NDUFA10: variants seen among roughly 807,000 people sequenced by gnomAD.
NDUFA10 encodes NADH dehydrogenase [ubiquinone] 1 alpha subcomplex subunit 10, mitochondrial.
In NDUFA10, 40 loss-of-function variants were observed where a neutral mutation model predicts 47.8. That is an observed-to-expected ratio of 0.84 (90% CI 0.65 to 1.09). The LOEUF (loss-of-function observed/expected upper bound fraction) is 1.09. NDUFA10 is among the 50% of genes least tolerant of loss of function. The pLI is 0.00. For synonymous variants in NDUFA10, 183 were observed against 172.2 expected, an observed-to-expected ratio of 1.06 and a Z score of -0.49; for missense variants, 413 against 451.1, an observed-to-expected ratio of 0.92 and a Z score of 0.76.
chr2:239,990,872 T>TA lies in NDUFA10; in HGVS notation c.891-691dup, dbSNP rs1340010649. On this transcript the variant is annotated intron_variant, in intron 8 of 9. Coordinates refer to ENST00000252711, the MANE Select transcript of NDUFA10 (RefSeq NM_004544.4). ...ATAGTCTGAATATAACCACTATACT[T>TA]AAAGATTTTTAAAAAGCATTTTTTC... 6.0e-4 allele frequency among the ~76,000 whole-genome samples: 91 copies of TA among 152,122 alleles called. 1 individual carries two copies. Among genetic ancestry groups the TA allele is most frequent in the Non-Finnish European group, 1.0e-4 (7 of 68,010 alleles).
chr2:239,961,257 G>T, intron 9 of NDUFA10, 71 bp from the exon 10 acceptor site: 1 of 1,610,608 alleles, frequency 6.2e-7, no homozygotes. Flanking sequence ...ATAGTTCAAT[G>T]TCTACCCGGC....
chr2:239,991,454 A>G (rs895791580), intron 8 of NDUFA10, among the ~76,000 whole-genome samples: 1 of 152,186 alleles, frequency 6.6e-6, no homozygotes, highest in Non-Finnish European at 1.5e-5. Flanking sequence ...TCGTTTTCTT[A>G]GTTTTACTAT....
chr2:239,902,486 T>C (rs1041019146), intron 4 of NDUFA10, among the ~76,000 whole-genome samples: 2 of 152,246 alleles, frequency 1.3e-5, no homozygotes, highest in African/African-American at 4.8e-5. Context: ...GAATAGACTA[T>C]AGTACAGTAT....
Position 239,958,983 on chromosome 2 carries a change from T to C in NDUFA10, c.*2135A>G, listed in dbSNP as rs1694737920. The C allele has an allele frequency of 1.0e-6, 1 of 985,344 alleles. No individual in the cohort carries two copies. Among genetic ancestry groups the C allele is most frequent in the Admixed American group, 6.1e-5 (1 of 16,274 alleles). The allele number at this position is 985,344 out of a possible 1,614,324, so 61.0% of individuals were successfully genotyped here. On this transcript the variant is annotated 3_prime_UTR_variant, in exon 10 of 10. Transcript: ENST00000252711. ...TAAGAGCTTTCGTGAGACGAACGCA[T>C]GTACTGCTCTGAAATAAGGAAATCG...
At chr2:239,991,887 G>A (rs1401733546) in intron 8 of NDUFA10, among the ~76,000 whole-genome samples, 1 of 152,184 alleles carries the variant, frequency 6.6e-6, no homozygotes, top group Non-Finnish European at 1.5e-5. Context: ...GTAGTATAGA[G>A]AGCAACAGCG....
chr2:239,940,221 C>T (rs1694339030), intron 4 of NDUFA10, among the ~76,000 whole-genome samples: 1 of 152,232 alleles, frequency 6.6e-6, no homozygotes, highest in African/African-American at 2.4e-5. Context: ...CAGCTGTGTT[C>T]CAATAAAGTT....
Position 239,958,427 on chromosome 2 carries a change from A to G in NDUFA10, c.*2691T>C, listed in dbSNP as rs1465085702. On this transcript the variant is annotated 3_prime_UTR_variant, in exon 10 of 10. Transcript: ENST00000252711. ...GCCAAACAAGACAAGAGCTTCTTCC[A>G]CTTCTGCTGTAGCAGAGAAACCACC... 1 of 152,256 alleles carries G rather than the reference A, an allele frequency of 6.6e-6. No homozygotes were observed. The highest frequency in any genetic ancestry group is 1.9e-4 in the East Asian group (1 of 5,206). 9.4% of individuals were successfully genotyped at this position (152,256 alleles called of 1,614,324 possible).
At chr2:239,943,484 G>A (rs1694394393) in intron 4 of NDUFA10, among the ~76,000 whole-genome samples, 1 of 152,186 alleles carries the variant, frequency 6.6e-6, no homozygotes, top group Admixed American at 6.5e-5. Flanking sequence ...ACAGGCGTGA[G>A]CCACTACACC....
chr2:239,929,527 T>A (rs1173362257), intron 4 of NDUFA10, among the ~76,000 whole-genome samples: 1 of 152,176 alleles, frequency 6.6e-6, no homozygotes, highest in African/African-American at 2.4e-5. Context: ...TGTGGGAGGC[T>A]AGTGCACCTC....
At position 239,922,269 on chromosome 2, in the gene NDUFA10, C is replaced by T. The variant is rs116181938; in HGVS notation, c.295-26955G>A. Reference sequence around the variant, plus strand: ...ACTTGGATTCTGTGCTGAAAGGCAGCTAGGCACCTCAGCTGGCCAACCCCA... The same window carrying T: ...ACTTGGATTCTGTGCTGAAAGGCAGTTAGGCACCTCAGCTGGCCAACCCCA... On this transcript the variant is annotated intron_variant, in intron 4 of 5. Transcript: ENST00000419408. 4.0e-3 allele frequency among the ~76,000 whole-genome samples: 611 copies of T among 152,276 alleles called. 4 individuals are homozygous for T. Among genetic ancestry groups the T allele is most frequent in the African/African-American group, 0.014 (589 of 41,578 alleles).
chr2:240,015,105 G>A (rs572166388), intron 4 of NDUFA10, among the ~76,000 whole-genome samples: 4 of 152,362 alleles, frequency 2.6e-5, no homozygotes, highest in African/African-American at 9.6e-5. Flanking sequence ...AACAGGGCTT[G>A]TCGCCTCCAC....
chr2:240,011,123 A>G (rs528777838), intron 6 of NDUFA10, among the ~76,000 whole-genome samples: 1 of 152,360 alleles, frequency 6.6e-6, no homozygotes, highest in East Asian at 1.9e-4. Flanking sequence ...ACAAAGAAAG[A>G]AAGGGGGAAA....
chr2:240,006,154 C>T (rs1696941677), intron 7 of NDUFA10, among the ~76,000 whole-genome samples: 1 of 152,142 alleles, frequency 6.6e-6, no homozygotes, highest in Non-Finnish European at 1.5e-5. Flanking sequence ...CAAAAATGAA[C>T]TCAAATAACA....
intron 9 of NDUFA10, chr2:239,983,670 C>T (rs1233102937): frequency 1.3e-6 from 2 of 1,577,692 alleles, no homozygotes; most frequent in African/African-American, 1.4e-5. Flanking sequence ...GCCCCTGATG[C>T]TTCACCTCTG....
At chr2:240,007,552 A>G (rs567391505) in intron 6 of NDUFA10, among the ~76,000 whole-genome samples, 182 bp from the exon 7 acceptor site, 1 of 152,298 alleles carries the variant, frequency 6.6e-6, no homozygotes, top group African/African-American at 2.4e-5. Flanking sequence ...GGACATGTTA[A>G]AAGCCAGAAT....
chr2:239,944,303 C>T (rs146995705), intron 4 of NDUFA10, among the ~76,000 whole-genome samples: 18 of 152,350 alleles, frequency 1.2e-4, no homozygotes, highest in African/African-American at 3.6e-4. Context: ...GGGGGCAGAG[C>T]GGCTGTTTGG....
rs1694096915 is a variant in NDUFA10 at position 239,928,153 on chromosome 2, C to T, written c.295-32839G>A. Among the ~76,000 whole-genome samples, 2 of 150,540 alleles carry T rather than the reference C, an allele frequency of 1.3e-5. No homozygotes were observed. Among genetic ancestry groups the T allele is most frequent in the South Asian group, 4.2e-4 (2 of 4,756 alleles). ...GCGAGTAAGGAGCAGAAGGTCTGTACAAAGATTCCAGGACTTTAAAAAAAA... is the reference window on the plus strand; with the variant it reads ...GCGAGTAAGGAGCAGAAGGTCTGTATAAAGATTCCAGGACTTTAAAAAAAA... On this transcript the variant is annotated intron_variant, in intron 4 of 5. Transcript: ENST00000419408. The surrounding 1 kb of genome is among the most constrained non-coding windows in gnomAD (Gnocchi z 4.3).
chr2:239,971,048 C>T (rs1366859707), intron 9 of NDUFA10, among the ~76,000 whole-genome samples: 1 of 152,216 alleles, frequency 6.6e-6, no homozygotes, highest in African/African-American at 2.4e-5. Context: ...CAAAGACAGC[C>T]TCTAACACTT....
chr2:239,949,251 C>T (rs1694510415), intron 4 of NDUFA10, among the ~76,000 whole-genome samples: 2 of 152,218 alleles, frequency 1.3e-5, no homozygotes, highest in East Asian at 3.8e-4. Flanking sequence ...GAGTGAGATG[C>T]ACGGCTCGGA....
Sources: allele counts gnomAD v4.1 joint callset (sites outside exome capture counted in the v4.1 genomes callset), GRCh38; gene constraint gnomAD v4.1.1; non-coding constraint Gnocchi (gnomAD v3.1); transcripts MANE v1.5; gene names NCBI Gene and HGNC (gene_info 2026-07-23, HGNC 2026-07-21).